Variants in TM9SF2 observed in about 807,000 individuals in gnomAD.
TM9SF2 encodes the protein 76 kDa membrane protein.
A neutral mutation model predicts 84.9 loss-of-function variants in TM9SF2; 13 were observed. The ratio of observed to expected loss-of-function variants is 0.15; its 90% CI spans 0.10 to 0.24. TM9SF2 has a LOEUF of 0.24. TM9SF2 is among the 10% of genes least tolerant of loss of function. The pLI is 1.00. For missense variants in TM9SF2, 562 were observed against 818.5 expected (o/e 0.69, Z 3.82); for synonymous variants, 273 against 285.8 (o/e 0.96, Z 0.45).
At chr13:99,559,232 A>G in intron 15 of TM9SF2, 131 bp from the exon 16 acceptor site, 1 of 733,954 alleles carries the variant, frequency 1.4e-6, no homozygotes, top group South Asian at 2.8e-5. Context: ...AATAGGAGAA[A>G]GAGCCTGGAA....
chr13:99,519,794 G>A (rs925551972), intron 2 of TM9SF2, among the ~76,000 whole-genome samples: 64 of 152,150 alleles, frequency 4.2e-4, no homozygotes, highest in African/African-American at 1.5e-3. Context: ...AAAAGATATT[G>A]TAATATGCAT....
intron 7 of TM9SF2, chr13:99,540,495 C>CTT (rs201378003): frequency 1.5e-4 from 21 of 141,280 alleles, no homozygotes; most frequent in East Asian, 3.1e-4. Context: ...ACTAGGAATT[C>CTT]TTTTTTTTTT....
At chr13:99,559,023 C>T (rs1238135188) in intron 15 of TM9SF2, among the ~76,000 whole-genome samples, 1 of 152,130 alleles carries the variant, frequency 6.6e-6, no homozygotes, top group African/African-American at 2.4e-5. Flanking sequence ...TAATGTCGAG[C>T]CCTGTGAGTA....
At chr13:99,536,871 A>G (rs2046236766) in intron 5 of TM9SF2, 134 bp downstream of exon 5, 4 of 920,804 alleles carry the variant, frequency 4.3e-6, no homozygotes, top group African/African-American at 1.7e-5. Flanking sequence ...AACTACTTCA[A>G]TCTTAAACTT....
At chr13:99,518,207 G>A (rs752945193) in intron 2 of TM9SF2, among the ~76,000 whole-genome samples, 9 of 152,268 alleles carry the variant, frequency 5.9e-5, no homozygotes, top group East Asian at 3.9e-4. Flanking sequence ...TGCCTCCCGC[G>A]TTCAGGCGAA....
In TM9SF2 at chr13:99,540,466, A is replaced by G. The variant is rs144425339; in HGVS notation, c.829-248A>G. 7.1e-4 allele frequency: 182 copies of G among 258,120 alleles called. 2 individuals are homozygous for G. Among genetic ancestry groups the G allele is most frequent in the African/African-American group, 3.8e-3 (171 of 44,670 alleles). 16.0% of individuals were successfully genotyped at this position (258,120 alleles called of 1,614,324 possible). A position where few individuals can be genotyped will look rare whatever the true frequency, so the allele number is the denominator to read the frequency against. ...TAAACATCTAGTTATAATTTAAAGC[A>G]ATACTTTTAGTAGGTATTACTAGGA... On this transcript the variant is annotated intron_variant, in intron 7 of 16. Transcript: ENST00000376387.
At chr13:99,529,748 CTTAG>C (rs1206791154) in intron 4 of TM9SF2, among the ~76,000 whole-genome samples, 154 bp downstream of exon 4, 2 of 152,138 alleles carry the variant, frequency 1.3e-5, no homozygotes, top group African/African-American at 2.4e-5. Flanking sequence ...AGTAGTGACT[CTTAG>C]TTAAAGATGA....
chr13:99,550,269 C>G (rs2046300291), intron 12 of TM9SF2, among the ~76,000 whole-genome samples: 1 of 152,170 alleles, frequency 6.6e-6, no homozygotes, highest in African/African-American at 2.4e-5. Context: ...CTATTCCCAA[C>G]AAAATGCCTT....
At chr13:99,520,699 G>A (rs962624048) in intron 3 of TM9SF2, among the ~76,000 whole-genome samples, 16 of 152,284 alleles carry the variant, frequency 1.1e-4, no homozygotes, top group African/African-American at 3.1e-4. Context: ...TTCCCGAGTA[G>A]CTGGGACTAT....
At chr13:99,519,325 C>T (rs1377280057) in intron 2 of TM9SF2, among the ~76,000 whole-genome samples, 9 of 151,768 alleles carry the variant, frequency 5.9e-5, no homozygotes, top group Non-Finnish European at 1.0e-4. Flanking sequence ...CAGAGACCCA[C>T]CTTCCTCTTT....
At chr13:99,541,416 A>G (rs2046259140) in intron 8 of TM9SF2, 143 bp from the exon 9 acceptor site, 1 of 573,818 alleles carries the variant, frequency 1.7e-6, no homozygotes, top group Non-Finnish European at 3.1e-6. Flanking sequence ...AACACAGTTC[A>G]TTGAATTTGT....
chr13:99,504,717 A>G (rs375533306), intron 1 of TM9SF2, among the ~76,000 whole-genome samples: 14 of 152,232 alleles, frequency 9.2e-5, no homozygotes, highest in African/African-American at 3.4e-4. Flanking sequence ...ACTTCTGATT[A>G]ATTTTCTTAG....
chr13:99,501,514 C>A lies in TM9SF2; in HGVS notation c.-93C>A. ...CCTTCTGGGGGCCGGCTTCCTTTAT[C>A]TCTGGCGGCCTTGTAGTCGTCTCCG... On this transcript the variant is annotated 5_prime_UTR_variant, in exon 1 of 17. Coordinates refer to ENST00000376387, the MANE Select transcript of TM9SF2 (RefSeq NM_004800.3). 2 of 1,478,312 alleles carry A rather than the reference C, an allele frequency of 1.4e-6. No homozygotes were observed. The highest frequency in any genetic ancestry group is 1.3e-5 in the South Asian group (1 of 78,334). 91.6% of individuals were successfully genotyped at this position (1,478,312 alleles called of 1,614,324 possible).
At chr13:99,553,776 G>A (rs2046315046) in intron 13 of TM9SF2, among the ~76,000 whole-genome samples, 1 of 152,160 alleles carries the variant, frequency 6.6e-6, no homozygotes, top group Non-Finnish European at 1.5e-5. Flanking sequence ...TGTCATGAAA[G>A]GGAGAATAGT....
chr13:99,557,746 G>T (rs1241371393), intron 15 of TM9SF2, among the ~76,000 whole-genome samples: 1 of 151,870 alleles, frequency 6.6e-6, no homozygotes, highest in Non-Finnish European at 1.5e-5. Flanking sequence ...TTAGCTGGGT[G>T]TGATGGCTTA....
chr13:99,539,179 A>G (rs1428167542), intron 6 of TM9SF2, among the ~76,000 whole-genome samples: 1 of 151,250 alleles, frequency 6.6e-6, no homozygotes, highest in Non-Finnish European at 1.5e-5. Flanking sequence ...CACCGCACTC[A>G]GGCCTGGGTA....
Position 99,501,698 on chromosome 13 carries a change from G to C in TM9SF2, c.92G>C (p.Arg31Pro). Residue 31 changes from arginine to proline, a missense_variant, in exon 1 of 17, where the codon CGC becomes CCC. Arg to Pro is a moderately radical substitution (Grantham distance 103, BLOSUM62 -2). Coordinates refer to ENST00000376387, the MANE Select transcript of TM9SF2 (RefSeq NM_004800.3). ...CTGCTGGGGGCGGTTCCTGGCCCGCGCCGGAGCGGCGCTTTCTACCTGCCC... is the reference window on the plus strand; with the variant it reads ...CTGCTGGGGGCGGTTCCTGGCCCGCCCCGGAGCGGCGCTTTCTACCTGCCC... ...LLLLGAVPGP[R>P]RSGAFYLPGL... 2 of 1,611,792 alleles carry C rather than the reference G, an allele frequency of 1.2e-6. No homozygotes were observed. Among genetic ancestry groups the C allele is most frequent in the Non-Finnish European group, 1.7e-6 (2 of 1,179,576 alleles).
chr13:99,538,517 A>G (rs1049630733), intron 6 of TM9SF2, among the ~76,000 whole-genome samples: 1 of 152,020 alleles, frequency 6.6e-6, no homozygotes, highest in East Asian at 1.9e-4. Flanking sequence ...TTATTTAGCC[A>G]GGCACAGTGG....
intron 1 of TM9SF2, among the ~76,000 whole-genome samples, chr13:99,503,346 T>C (rs2046074752): frequency 6.6e-6 from 1 of 152,218 alleles, no homozygotes; most frequent in Non-Finnish European, 1.5e-5. Flanking sequence ...CACAGGATGA[T>C]GTCCAAAGTG....
Sources: allele counts gnomAD v4.1 joint callset (sites outside exome capture counted in the v4.1 genomes callset), GRCh38; gene constraint gnomAD v4.1.1; transcripts MANE v1.5; gene names NCBI Gene and HGNC (gene_info 2026-07-23, HGNC 2026-07-21).